TET1: variants seen among roughly 807,000 people sequenced by gnomAD.
TET1 encodes the protein methylcytosine dioxygenase TET1.
In TET1, 13 loss-of-function variants were observed where a neutral mutation model predicts 148.7. That is an observed-to-expected ratio of 0.09 (90% CI 0.06 to 0.14). The LOEUF is 0.14. Ranked by LOEUF, TET1 falls within the 10% of genes least tolerant of loss-of-function variation. TET1 has a pLI of 1.00. For missense variants in TET1, 2,182 were observed against 2,553.8 expected (o/e 0.85, Z 3.14); for synonymous variants, 907 against 937.2 (o/e 0.97, Z 0.59).
rs368770710 is a variant in TET1 at position 68,572,591 on chromosome 10, G to A, written c.253G>A (p.Asp85Asn). 135 of 1,614,032 alleles carry A rather than the reference G, an allele frequency of 8.4e-5. No individual in the cohort carries two copies. Among genetic ancestry groups the A allele is most frequent in the Non-Finnish European group, 1.1e-4 (134 of 1,180,044 alleles). The change falls in exon 2 of 12, where the codon GAT (aspartate) becomes AAT (asparagine). Residue 85 changes from aspartate to asparagine, a missense_variant. Transcript: ENST00000373644. ...AGCTGGAGCAGCACGCATGAATTTG[G>A]ATAGGACTGAGGTTCTTTTTCAGAA... Reference protein sequence around the residue: ...TRAGAARMNLDRTEVLFQNPE... With the variant: ...TRAGAARMNLNRTEVLFQNPE...
rs190731962 is a variant in TET1 at position 68,598,704 on chromosome 10, T to C, written c.1915-2277T>C. ...GTTTTTTTTTTCTTTTTCTTTCTTT[T>C]TTTTTTTTTTTTGGAGACGGAGTCT... On this transcript the variant is annotated intron_variant, in intron 2 of 11. Transcript: ENST00000373644. Among the ~76,000 whole-genome samples the C allele has an allele frequency of 6.2e-3, 926 of 149,968 alleles. 4 individuals carry two copies. The highest frequency in any genetic ancestry group is 0.01 in the Non-Finnish European group (700 of 67,394).
chr10:68,632,403 G>A, intron 3 of TET1: 1 of 1,610,906 alleles, frequency 6.2e-7, no homozygotes. Context: ...GTGAGCCCGA[G>A]GAGAGGAAGT....
At chr10:68,680,495 C>A (rs181321397) in intron 8 of TET1, among the ~76,000 whole-genome samples, 1 of 152,318 alleles carries the variant, frequency 6.6e-6, no homozygotes, top group Admixed American at 6.5e-5. Context: ...CAAGTATACT[C>A]CGTCACGGCC....
At chr10:68,680,732 T>C (rs2055425005) in intron 8 of TET1, among the ~76,000 whole-genome samples, 2 of 152,260 alleles carry the variant, frequency 1.3e-5, no homozygotes, top group South Asian at 4.1e-4. Flanking sequence ...ATGGTCCTCA[T>C]AGTCCTTCAA....
At position 68,691,143 on chromosome 10, in the gene TET1, T is replaced by C. The variant is rs1276412429; in HGVS notation, c.5740T>C (p.Ser1914Pro). 1 of 1,614,196 alleles carries C rather than the reference T, an allele frequency of 6.2e-7. No homozygotes were observed. The highest frequency in any genetic ancestry group is 2.2e-5 in the East Asian group (1 of 44,872). ...LGEVAPLPTL[S>P]APVMEPLINS... ...CGAAGTGGCTCCTCTCCCCACCCTG[T>C]CTGCTCCTGTGATGGAGCCCCTCAT... The change falls in exon 12 of 12, where the codon TCT (serine) becomes CCT (proline). Residue 1914 changes from serine to proline, a missense_variant. Physicochemically the swap from Ser to Pro is moderately conservative, Grantham distance 74. Transcript: ENST00000373644. The surrounding 1 kb of genome is among the most constrained non-coding windows in gnomAD (Gnocchi z 4.4).
chr10:68,589,375 T>C (rs2053894139), intron 2 of TET1, among the ~76,000 whole-genome samples: 1 of 152,194 alleles, frequency 6.6e-6, no homozygotes, highest in East Asian at 1.9e-4. Flanking sequence ...TATATTATGA[T>C]GCAATTAGCA....
chr10:68,621,566 G>T (rs2054371608), intron 3 of TET1, among the ~76,000 whole-genome samples: 1 of 152,120 alleles, frequency 6.6e-6, no homozygotes, highest in Non-Finnish European at 1.5e-5. Flanking sequence ...GGGTGACAGA[G>T]TGAGACTCCA....
chr10:68,604,045 T>C (rs1179601802), intron 3 of TET1, among the ~76,000 whole-genome samples: 1 of 152,214 alleles, frequency 6.6e-6, no homozygotes, highest in Non-Finnish European at 1.5e-5. Flanking sequence ...TTGTTAGCAA[T>C]GTTATTATTG....
At chr10:68,612,930 C>G (rs1176385264) in intron 3 of TET1, among the ~76,000 whole-genome samples, 2 of 152,168 alleles carry the variant, frequency 1.3e-5, no homozygotes, top group Non-Finnish European at 2.9e-5. Flanking sequence ...TTTTATGAAT[C>G]ATTACAAATC....
intron 3 of TET1, chr10:68,632,437 G>T (rs1042747889): frequency 2.9e-5 from 46 of 1,612,236 alleles, no homozygotes; most frequent in Non-Finnish European, 3.9e-5. Context: ...AGGATTTTTA[G>T]ATGTTGAAAA....
intron 2 of TET1, among the ~76,000 whole-genome samples, chr10:68,597,980 G>C (rs925416028): frequency 1.3e-5 from 2 of 152,222 alleles, no homozygotes; most frequent in Non-Finnish European, 2.9e-5. Context: ...AGGAGTTATT[G>C]TTTAATGGGT....
chr10:68,670,394 T>C (rs762773488), intron 7 of TET1, among the ~76,000 whole-genome samples: 1 of 152,218 alleles, frequency 6.6e-6, no homozygotes, highest in Non-Finnish European at 1.5e-5. Context: ...GTTTATCTGT[T>C]TCTTCCTGAC....
In TET1 at chr10:68,572,258, G is replaced by T. The variant is rs1021541245; in HGVS notation, c.-81G>T. 4.0e-6 allele frequency: 5 copies of T among 1,248,802 alleles called. No homozygotes were observed. In the African/African-American group the frequency reaches 7.6e-5, roughly 19 times the overall value. 77.4% of individuals were successfully genotyped at this position (1,248,802 alleles called of 1,614,324 possible). ...ACTGAGCTGAAGAGCAGTGCATCCAGATTCTCCTCAGAAGTGAGACTTTCC... is the reference window on the plus strand; with the variant it reads ...ACTGAGCTGAAGAGCAGTGCATCCATATTCTCCTCAGAAGTGAGACTTTCC... On this transcript the variant is annotated 5_prime_UTR_variant, in exon 2 of 12. Transcript: ENST00000373644.
rs1589139141 is a variant in TET1 at position 68,693,411 on chromosome 10, G to C, written c.*1597G>C. 4.3e-6 allele frequency: 1 copy of C among 233,080 alleles called. No homozygotes were observed. The highest frequency in any genetic ancestry group is 5.6e-5 in the Admixed American group (1 of 17,726). The allele number at this position is 233,080 out of a possible 1,614,324, so 14.4% of individuals were successfully genotyped here. ...CACAACCGCTAACACTTACAATTTTGGTGCAAAAGCAAACAGTTCCAGCAG... is the reference window on the plus strand; with the variant it reads ...CACAACCGCTAACACTTACAATTTTCGTGCAAAAGCAAACAGTTCCAGCAG... On this transcript the variant is annotated 3_prime_UTR_variant, in exon 12 of 12. Coordinates refer to ENST00000373644, the MANE Select transcript of TET1 (RefSeq NM_030625.3).
At chr10:68,669,832 T>C (rs779374670) in intron 7 of TET1, among the ~76,000 whole-genome samples, 33 of 151,710 alleles carry the variant, frequency 2.2e-4, no homozygotes, top group Non-Finnish European at 3.7e-4. Flanking sequence ...GTTGTTGTTG[T>C]TGTTGTATTT....
At chr10:68,614,636 C>T (rs1053316888) in intron 3 of TET1, among the ~76,000 whole-genome samples, 2 of 152,176 alleles carry the variant, frequency 1.3e-5, no homozygotes, top group Non-Finnish European at 2.9e-5. Flanking sequence ...TGTGCCTCAG[C>T]CACCTGAGTA....
intron 3 of TET1, among the ~76,000 whole-genome samples, chr10:68,635,480 C>T (rs1158119049): frequency 6.6e-6 from 1 of 152,146 alleles, no homozygotes; most frequent in Admixed American, 6.6e-5. Context: ...TCATTTAATC[C>T]TCACAATGAA....
chr10:68,626,657 TCTC>T (rs2054487208), intron 3 of TET1, among the ~76,000 whole-genome samples: 1 of 151,676 alleles, frequency 6.6e-6, no homozygotes, highest in Non-Finnish European at 1.5e-5. Context: ...TTCAAGCAGT[TCTC>T]CTGCCTCAGC....
At chr10:68,651,417 C>T (rs775202600) in intron 4 of TET1, among the ~76,000 whole-genome samples, 3 of 151,996 alleles carry the variant, frequency 2.0e-5, no homozygotes, top group Non-Finnish European at 4.4e-5. Context: ...CGCCACTGCA[C>T]TCCAGCCTGG....
Sources: gnomAD v4.1 joint callset for allele counts (sites outside exome capture counted in the v4.1 genomes callset) on GRCh38, gnomAD v4.1.1 for gene constraint, Gnocchi (gnomAD v3.1) non-coding constraint, MANE v1.5 for transcripts, NCBI Gene and HGNC (gene_info 2026-07-23, HGNC 2026-07-21) for gene names.